DNER: variants seen among roughly 807,000 people sequenced by gnomAD.
DNER encodes the protein delta and Notch-like epidermal growth factor-related receptor.
A neutral mutation model predicts 78.2 loss-of-function variants in DNER; 33 were observed. The observed-to-expected ratio is 0.42, with a 90% CI of 0.32 to 0.56. The LOEUF (loss-of-function observed/expected upper bound fraction) is 0.56, where lower values mean the gene tolerates loss of function less well. DNER is among the 20% of genes least tolerant of loss of function. The pLI is 0.11. For missense variants in DNER, 918 were observed against 975.3 expected (o/e 0.94, Z 0.78); for synonymous variants, 417 against 384.8 (o/e 1.08, Z -0.98).
At chr2:229,660,928 C>A (rs1239709820) in intron 1 of DNER, among the ~76,000 whole-genome samples, 3 of 152,122 alleles carry the variant, frequency 2.0e-5, no homozygotes, top group African/African-American at 7.2e-5. Context: ...AAGATAATTA[C>A]ATTAAATGAA....
chr2:229,612,880 T>G (rs1698074886), intron 1 of DNER, among the ~76,000 whole-genome samples: 1 of 152,258 alleles, frequency 6.6e-6, no homozygotes, highest in Non-Finnish European at 1.5e-5. Flanking sequence ...CAAGTTCTAT[T>G]ACTATGTGGT....
chr2:229,360,198 C>T lies in DNER; in HGVS notation c.2103-1547G>A, dbSNP rs190545552. ...CTGCTTTAAGATGCAAACATTTTGA[C>T]AATTTATTTCTCATAAAATACCTAG... On this transcript the variant is annotated intron_variant, in intron 12 of 12. Coordinates refer to ENST00000341772, the MANE Select transcript of DNER (RefSeq NM_139072.4). Among the ~76,000 whole-genome samples the T allele has an allele frequency of 1.9e-4, 29 of 152,278 alleles. No individual in the cohort carries two copies. The East Asian group carries it at 5.2e-3, about 27-fold the overall frequency.
At chr2:229,450,163 G>A (rs1221092981) in intron 7 of DNER, among the ~76,000 whole-genome samples, 2 of 152,188 alleles carry the variant, frequency 1.3e-5, no homozygotes, top group Non-Finnish European at 2.9e-5. Flanking sequence ...GGTGACAGTT[G>A]AGAACTGTCA....
intron 6 of DNER, among the ~76,000 whole-genome samples, chr2:229,497,800 A>G (rs1695529929): frequency 6.6e-6 from 1 of 152,126 alleles, no homozygotes; most frequent in African/African-American, 2.4e-5. Flanking sequence ...AGAATGAGTA[A>G]AAGAGTGAGC....
At chr2:229,562,046 A>G (rs1396244890) in intron 4 of DNER, among the ~76,000 whole-genome samples, 1 of 152,186 alleles carries the variant, frequency 6.6e-6, no homozygotes, top group Non-Finnish European at 1.5e-5. Flanking sequence ...AGTGTACTCT[A>G]TCGGTCCTAG....
intron 5 of DNER, among the ~76,000 whole-genome samples, chr2:229,525,772 C>T (rs191766614): frequency 2.2e-4 from 34 of 152,294 alleles, no homozygotes; most frequent in Non-Finnish European, 2.8e-4. Flanking sequence ...GCCACCACGC[C>T]TGGCTAATTT....
intron 8 of DNER, among the ~76,000 whole-genome samples, chr2:229,430,209 G>A (rs1362556653): frequency 1.3e-5 from 2 of 152,136 alleles, no homozygotes; most frequent in African/African-American, 4.8e-5. Flanking sequence ...ATTTAAATAT[G>A]TATATTCATG....
At position 229,512,812 on chromosome 2, in the gene DNER, C is replaced by A; in HGVS notation, c.1118G>T (p.Gly373Val). 6.2e-7 allele frequency: 1 copy of A among 1,614,106 alleles called. No individual in the cohort carries two copies. The highest frequency in any genetic ancestry group is 1.1e-5 in the South Asian group (1 of 91,078). Residue 373 changes from glycine (G) to valine (V), a missense_variant, in exon 6 of 13, where the codon GGG becomes GTG. Coordinates refer to ENST00000341772, the MANE Select transcript of DNER (RefSeq NM_139072.4). ...SCIDANEKQD[G>V]SNFTCVCLPG... ...AAGGCAAACACAGGTGAAATTGCTC[C>A]CATCTTGCTTTTCATTTGCATCAAT...
At chr2:229,641,478 A>G (rs368121603) in intron 1 of DNER, among the ~76,000 whole-genome samples, 72 of 152,270 alleles carry the variant, frequency 4.7e-4, no homozygotes, top group African/African-American at 1.6e-3. Flanking sequence ...AATAGTTTCA[A>G]GTTATATTGG....
At chr2:229,438,451 C>T (rs1694169944) in intron 8 of DNER, among the ~76,000 whole-genome samples, 1 of 152,172 alleles carries the variant, frequency 6.6e-6, no homozygotes, top group South Asian at 2.1e-4. Context: ...ATCACCTCCG[C>T]CTCCTGTTGT....
intron 4 of DNER, among the ~76,000 whole-genome samples, chr2:229,560,773 C>A (rs1212009921): frequency 6.6e-6 from 1 of 152,170 alleles, no homozygotes; most frequent in African/African-American, 2.4e-5. Flanking sequence ...TCCAGGGTGG[C>A]AATGATTACA....
chr2:229,665,727 T>C (rs1699081936), intron 1 of DNER, among the ~76,000 whole-genome samples: 1 of 152,150 alleles, frequency 6.6e-6, no homozygotes. Flanking sequence ...TGGGGCCTAA[T>C]ATAGATTCCA....
intron 6 of DNER, among the ~76,000 whole-genome samples, chr2:229,499,444 CAAAAAAA>C (rs777417272): frequency 9.4e-5 from 7 of 74,820 alleles, no homozygotes; most frequent in African/African-American, 1.5e-4. Context: ...GACTCCAACT[CAAAAAAA>C]AAAAAAAAAA....
intron 4 of DNER, among the ~76,000 whole-genome samples, chr2:229,581,678 A>G (rs1697399630): frequency 6.6e-6 from 1 of 152,216 alleles, no homozygotes; most frequent in Admixed American, 6.5e-5. Context: ...AATGAACTGT[A>G]GTAACATGGA....
intron 4 of DNER, among the ~76,000 whole-genome samples, chr2:229,560,278 G>C (rs1485579636): frequency 1.3e-5 from 2 of 152,174 alleles, no homozygotes; most frequent in Admixed American, 6.5e-5. Context: ...AGCATAAGTG[G>C]AAAATAGAAA....
At chr2:229,419,625 CA>C (rs1693723452) in intron 8 of DNER, among the ~76,000 whole-genome samples, 1 of 152,188 alleles carries the variant, frequency 6.6e-6, no homozygotes, top group Admixed American at 6.5e-5. Flanking sequence ...GTTGCCATTT[CA>C]GTTGTTTTTG....
rs1699965241 is a variant in DNER, at chr2:229,714,505, G to A, written c.-82C>T. ...GGCAGTGGCGACGAGAGCTGCGAGA[G>A]CGACGGTGGCGGCTAGGGCTGCTCC... On this transcript the variant is annotated 5_prime_UTR_variant, in exon 1 of 13. Transcript: ENST00000341772. 5.6e-6 allele frequency: 6 copies of A among 1,069,850 alleles called. No individual in the cohort carries two copies. Among genetic ancestry groups the A allele is most frequent in the Non-Finnish European group, 6.8e-6 (6 of 886,744 alleles). The allele number at this position is 1,069,850 out of a possible 1,614,324, so 66.3% of individuals were successfully genotyped here.
chr2:229,516,488 G>A (rs1695973380), intron 5 of DNER, among the ~76,000 whole-genome samples: 1 of 152,136 alleles, frequency 6.6e-6, no homozygotes, highest in South Asian at 2.1e-4. Context: ...ATACTTCCTT[G>A]TAAAAGTATT....
rs1221457495 is a variant in DNER at position 229,413,346 on chromosome 2, G to A, written c.1609+4762C>T. ...CTTTTTTTTTTTTTTTTTTTTTGAC[G>A]GAGTCTCGCTCTGTCACCCAGGCTG... On this transcript the variant is annotated intron_variant, in intron 9 of 12. Coordinates refer to ENST00000341772, the MANE Select transcript of DNER (RefSeq NM_139072.4). Among the ~76,000 whole-genome samples, 193 of 42,180 alleles carry A rather than the reference G, an allele frequency of 4.6e-3. 2 individuals are homozygous for A. Among genetic ancestry groups the A allele is most frequent in the South Asian group, 0.021 (36 of 1,690 alleles). The allele number at this position is 42,180 out of a possible 152,430, so 27.7% of individuals were successfully genotyped here.
Sources: allele counts gnomAD v4.1 joint callset (sites outside exome capture counted in the v4.1 genomes callset), GRCh38; gene constraint gnomAD v4.1.1; transcripts MANE v1.5; gene names NCBI Gene and HGNC (gene_info 2026-07-23, HGNC 2026-07-21).